TNKS: variants seen among roughly 807,000 people sequenced by gnomAD.
TNKS encodes the protein poly [ADP-ribose] polymerase tankyrase-1.
TNKS carries 72 observed loss-of-function variants against 135.8 expected under a neutral mutation model. The observed-to-expected ratio is 0.53, with a 90% CI of 0.44 to 0.64. The LOEUF (loss-of-function observed/expected upper bound fraction) is 0.64, where lower values mean the gene tolerates loss of function less well. Among genes scored for constraint, TNKS ranks in the 30% least tolerant of loss-of-function variants. The pLI is 0.00. For synonymous variants in TNKS, 849 were observed against 649.3 expected, an observed-to-expected ratio of 1.31 and a Z score of -4.68; for missense variants, 1,769 against 1,674.0, an observed-to-expected ratio of 1.06 and a Z score of -0.99.
chr8:9,559,062 T>C (rs1213461048), intron 1 of TNKS, among the ~76,000 whole-genome samples: 1 of 152,178 alleles, frequency 6.6e-6, no homozygotes, highest in African/African-American at 2.4e-5. Flanking sequence ...GTTCCAGAAA[T>C]ATTTTAGTGT....
chr8:9,697,924 T>G (rs1175795824), intron 5 of TNKS, among the ~76,000 whole-genome samples: 2 of 152,136 alleles, frequency 1.3e-5, no homozygotes, highest in African/African-American at 4.8e-5. Context: ...GAAAATAGAT[T>G]ATCATACCAA....
chr8:9,719,835 A>G (rs1242374010), intron 11 of TNKS, among the ~76,000 whole-genome samples: 2 of 152,234 alleles, frequency 1.3e-5, no homozygotes, highest in Non-Finnish European at 2.9e-5. Flanking sequence ...AGCTTTAAAA[A>G]GGAATGTTTG....
chr8:9,750,668 C>A (rs1262890557), intron 18 of TNKS, among the ~76,000 whole-genome samples: 2 of 152,228 alleles, frequency 1.3e-5, no homozygotes, highest in African/African-American at 2.4e-5. Flanking sequence ...CAGCACCCCA[C>A]TTCCAGGTAC....
Position 9,726,681 on chromosome 8 carries a change from C to G in TNKS, c.1962C>G (p.Leu654=). 6.2e-7 allele frequency: 1 copy of G among 1,613,528 alleles called. No homozygotes were observed. The highest frequency in any genetic ancestry group is 8.5e-7 in the Non-Finnish European group (1 of 1,179,842). ...GTACTTCTGATGTTGATTATCGACTCTTAGAGGCATCTAAAGCTGGAGACT... is the reference window on the plus strand; with the variant it reads ...GTACTTCTGATGTTGATTATCGACTGTTAGAGGCATCTAAAGCTGGAGACT... ...PIRTSDVDYR[L]LEASKAGDLE... Residue 654 remains leucine, a synonymous_variant, in exon 13 of 27, where the codon CTC becomes CTG. Transcript: ENST00000310430.
intron 14 of TNKS, among the ~76,000 whole-genome samples, chr8:9,731,596 C>T (rs191554505): frequency 6.6e-6 from 1 of 151,520 alleles, no homozygotes; most frequent in Non-Finnish European, 1.5e-5. Flanking sequence ...AATGCATAGA[C>T]TTGTGTGTGT....
At chr8:9,602,242 C>T (rs777054294) in intron 2 of TNKS, among the ~76,000 whole-genome samples, 54 of 152,226 alleles carry the variant, frequency 3.5e-4, no homozygotes, top group Admixed American at 9.2e-4. Context: ...GTAGGTTTAG[C>T]TAGTTGATTA....
At chr8:9,742,613 G>A (rs892587848) in intron 17 of TNKS, among the ~76,000 whole-genome samples, 1 of 151,280 alleles carries the variant, frequency 6.6e-6, no homozygotes, top group African/African-American at 2.4e-5. Context: ...ATCTCAGCAC[G>A]TTGGGAGGCT....
Position 9,777,866 on chromosome 8 carries a change from G to C in TNKS, c.*1130G>C, listed in dbSNP as rs935617417. The C allele has an allele frequency of 2.0e-5, 3 of 152,564 alleles. No individual in the cohort carries two copies. Among genetic ancestry groups the C allele is most frequent in the Non-Finnish European group, 2.9e-5 (2 of 68,044 alleles). 9.5% of individuals were successfully genotyped at this position (152,564 alleles called of 1,614,324 possible). ...GAATGCTGGGATTCAGACTCGAATA[G>C]TGGATAGATACACACAAATGCAAGG... On this transcript the variant is annotated 3_prime_UTR_variant, in exon 27 of 27. Coordinates refer to ENST00000310430, the MANE Select transcript of TNKS (RefSeq NM_003747.3).
chr8:9,751,687 G>C lies in TNKS; in HGVS notation c.2911G>C (p.Val971Leu). 4.3e-6 allele frequency: 7 copies of C among 1,614,194 alleles called. No homozygotes were observed. The highest frequency in any genetic ancestry group is 5.9e-6 in the Non-Finnish European group (7 of 1,180,024). The change falls in exon 19 of 27, where the codon GTA (valine) becomes CTA (leucine). Residue 971 changes from valine (V) to leucine (L), a missense_variant. Coordinates refer to ENST00000310430, the MANE Select transcript of TNKS (RefSeq NM_003747.3). Reference protein sequence around the residue: ...LPTCFKPQATVVSASLISPAS... With the variant: ...LPTCFKPQATLVSASLISPAS... Reference sequence around the variant, plus strand: ...TACCTGTTTTAAACCTCAGGCTACTGTAGTGAGTGCCTCTCTGATCTCACC... The same window carrying C: ...TACCTGTTTTAAACCTCAGGCTACTCTAGTGAGTGCCTCTCTGATCTCACC...
In TNKS at chr8:9,710,413, C is replaced by A. The variant is rs1804267212; in HGVS notation, c.1749+193C>A. 4.9e-6 allele frequency: 3 copies of A among 613,066 alleles called. No individual in the cohort carries two copies. In the South Asian group the frequency reaches 6.2e-5, roughly 13 times the overall value. 38.0% of individuals were successfully genotyped at this position (613,066 alleles called of 1,614,324 possible). On this transcript the variant is annotated intron_variant, in intron 11 of 26. Coordinates refer to ENST00000310430, the MANE Select transcript of TNKS (RefSeq NM_003747.3). ...CTAATAAAAATAATTACCCGTGTTT[C>A]TTGATCCTTTAATGTCACCCTTCTG... is the stretch of plus-strand genomic sequence containing the variant.
intron 1 of TNKS, among the ~76,000 whole-genome samples, chr8:9,560,041 A>G (rs963279432): frequency 2.6e-5 from 4 of 152,158 alleles, no homozygotes; most frequent in Non-Finnish European, 5.9e-5. Context: ...TTTTTCTTCT[A>G]CAGATGTGGT....
intron 14 of TNKS, among the ~76,000 whole-genome samples, chr8:9,731,241 C>G (rs926431785): frequency 6.6e-6 from 1 of 152,076 alleles, no homozygotes; most frequent in Non-Finnish European, 1.5e-5. Flanking sequence ...GGGCAGATCA[C>G]CTGAGATCAG....
At chr8:9,613,272 A>T (rs1799528110) in intron 2 of TNKS, among the ~76,000 whole-genome samples, 1 of 152,192 alleles carries the variant, frequency 6.6e-6, no homozygotes, top group South Asian at 2.1e-4. Context: ...GGTAGAGTTG[A>T]GAGTACACAT....
chr8:9,706,663 A>G, intron 7 of TNKS, 148 bp from the exon 8 acceptor site: 5 of 674,838 alleles, frequency 7.4e-6, no homozygotes, highest in Non-Finnish European at 1.2e-5. Context: ...ATTTAATTTC[A>G]GCTGTTTTTG....
chr8:9,761,283 T>C (rs990477339), intron 20 of TNKS, among the ~76,000 whole-genome samples: 3 of 152,194 alleles, frequency 2.0e-5, no homozygotes, highest in Admixed American at 6.5e-5. Flanking sequence ...GTATTGTTTC[T>C]CCCTTTTTAA....
intron 5 of TNKS, among the ~76,000 whole-genome samples, chr8:9,704,339 A>C (rs1179843745): frequency 6.6e-6 from 1 of 152,234 alleles, no homozygotes; most frequent in Non-Finnish European, 1.5e-5. Flanking sequence ...TATAGGAAAC[A>C]TGAGCCCTGG....
chr8:9,666,087 A>G (rs925945442), intron 3 of TNKS, among the ~76,000 whole-genome samples: 3 of 152,190 alleles, frequency 2.0e-5, no homozygotes, highest in Non-Finnish European at 4.4e-5. Context: ...TACTGTAGTA[A>G]CAGCTTTTGC....
chr8:9,577,645 C>G (rs765405537), intron 1 of TNKS, among the ~76,000 whole-genome samples: 5 of 152,186 alleles, frequency 3.3e-5, no homozygotes, highest in African/African-American at 7.2e-5. Flanking sequence ...CCATGATCCA[C>G]TCACCTACCA....
In TNKS at chr8:9,731,026, A is replaced by C; in HGVS notation, c.2138A>C (p.Lys713Thr). The C allele has an allele frequency of 6.2e-7, 1 of 1,609,834 alleles. No homozygotes were observed. Among genetic ancestry groups the C allele is most frequent in the Non-Finnish European group, 8.5e-7 (1 of 1,177,930 alleles). ...LLHHGADVHA[K>T]DKGGLVPLHN... ...CACCACGGTGCCGATGTCCATGCCA[A>C]AGACAAGGGGTACGTGTTAGAAGTT... The change falls in exon 14 of 27, where the codon AAA becomes ACA. Residue 713 changes from lysine to threonine, a missense_variant. Around this residue, in one of 5 missense-constraint regions of TNKS, gnomAD observed 69 missense variants for 120.3 expected, o/e 0.57. Transcript: ENST00000310430.
Sources: allele counts gnomAD v4.1 joint callset (sites outside exome capture counted in the v4.1 genomes callset), GRCh38; gene constraint gnomAD v4.1.1; regional missense constraint gnomAD v4.1.1; transcripts MANE v1.5; gene names NCBI Gene and HGNC (gene_info 2026-07-23, HGNC 2026-07-21).